The following CERS6 variants were observed in gnomAD, a reference collection of about 807,000 sequenced individuals.
The protein encoded by CERS6 is ceramide synthase 6.
A neutral mutation model predicts 56.8 loss-of-function variants in CERS6; 26 were observed. That is an observed-to-expected ratio of 0.46 (90% confidence interval 0.34 to 0.63). The LOEUF is 0.63. CERS6 is among the 30% of genes least tolerant of loss of function. The probability of loss-of-function intolerance (pLI) is 0.01; values close to 1 mark genes in which losing one functional copy is unlikely to be tolerated. For synonymous variants in CERS6, 164 were observed against 173.3 expected (o/e 0.95, Z 0.42); for missense variants, 415 against 467.5 (o/e 0.89, Z 1.04).
intron 3 of CERS6, among the ~76,000 whole-genome samples, chr2:168,574,083 A>G (rs966279586): frequency 7.9e-5 from 12 of 152,128 alleles, no homozygotes; most frequent in African/African-American, 2.7e-4. Context: ...ATTCATTGAG[A>G]TAGTATTGCT....
At chr2:168,690,203 G>A (rs1686464036) in intron 4 of CERS6, among the ~76,000 whole-genome samples, 1 of 152,142 alleles carries the variant, frequency 6.6e-6, no homozygotes, top group Non-Finnish European at 1.5e-5. Flanking sequence ...GAAACATATA[G>A]ATGTATATCA....
intron 4 of CERS6, among the ~76,000 whole-genome samples, chr2:168,678,889 T>G (rs1453960787): frequency 6.6e-6 from 1 of 152,218 alleles, no homozygotes; most frequent in Non-Finnish European, 1.5e-5. Flanking sequence ...ACTCCCATGT[T>G]TATTGCAGCA....
intron 3 of CERS6, among the ~76,000 whole-genome samples, chr2:168,582,514 G>C (rs1683441085): frequency 6.6e-6 from 1 of 152,040 alleles, no homozygotes. Context: ...CTAGCCTGCT[G>C]TGTCTGGGAA....
At chr2:168,477,405 G>T (rs1315915055) in intron 1 of CERS6, among the ~76,000 whole-genome samples, 1 of 152,076 alleles carries the variant, frequency 6.6e-6, no homozygotes, top group Non-Finnish European at 1.5e-5. Context: ...AAGCTCATTT[G>T]CACTTTGTTT....
At chr2:168,534,394 G>A (rs73020586) in intron 1 of CERS6, among the ~76,000 whole-genome samples, 1,643 of 140,224 alleles carry the variant, frequency 0.012, 31 homozygotes, top group African/African-American at 0.038. Context: ...CCTTGGATGC[G>A]GTTTTTGTGG....
In CERS6 at chr2:168,773,722, G is replaced by A. The variant is rs572123235; in HGVS notation, c.*4060G>A. On this transcript the variant is annotated 3_prime_UTR_variant, in exon 10 of 10. Transcript: ENST00000305747. ...ATTGCAGTCCCCAGAGCCAGTGAAG[G>A]TTTCTTTTGGTAAAATGAAATTGTG... 1.3e-5 allele frequency: 2 copies of A among 152,212 alleles called. No individual in the cohort carries two copies. Among genetic ancestry groups the A allele is most frequent in the Non-Finnish European group, 1.5e-5 (1 of 68,064 alleles). The allele number at this position is 152,212 out of a possible 1,614,324, so 9.4% of individuals were successfully genotyped here.
intron 8 of CERS6, among the ~76,000 whole-genome samples, chr2:168,746,820 T>TATATAA (rs1329677014): frequency 8.4e-4 from 67 of 80,004 alleles, no homozygotes; most frequent in African/African-American, 1.8e-3. Context: ...TATATATATA[T>TATATAA]AAAATCATCT....
intron 1 of CERS6, among the ~76,000 whole-genome samples, chr2:168,484,337 A>G (rs1435404793): frequency 1.3e-5 from 2 of 151,416 alleles, no homozygotes; most frequent in East Asian, 3.9e-4. Context: ...ATTCACCTCC[A>G]TGCCCGGCTA....
chr2:168,594,879 C>T (rs796697595), intron 3 of CERS6, among the ~76,000 whole-genome samples: 1 of 152,220 alleles, frequency 6.6e-6, no homozygotes, highest in African/African-American at 2.4e-5. Context: ...TTTGTTTTTC[C>T]CCCAGCTAGA....
At chr2:168,690,248 G>A (rs1686465017) in intron 4 of CERS6, among the ~76,000 whole-genome samples, 1 of 152,124 alleles carries the variant, frequency 6.6e-6, no homozygotes, top group Non-Finnish European at 1.5e-5. Flanking sequence ...AGTGCTGAGA[G>A]CTGTAGATAA....
chr2:168,659,513 TTAAC>T (rs1170230223), intron 4 of CERS6, among the ~76,000 whole-genome samples: 1 of 152,198 alleles, frequency 6.6e-6, no homozygotes. Flanking sequence ...AATTTCTACT[TTAAC>T]TAGGTAAATT....
Position 168,773,144 on chromosome 2 carries a change from A to G in CERS6, c.*3482A>G, listed in dbSNP as rs1002948981. On this transcript the variant is annotated 3_prime_UTR_variant, in exon 10 of 10. Transcript: ENST00000305747. ...AAAGAGAGCTTTATAGACACCCACAATTGTCCCCAATCTCTTCATGATGTT... is the reference window on the plus strand; with the variant it reads ...AAAGAGAGCTTTATAGACACCCACAGTTGTCCCCAATCTCTTCATGATGTT... 17 of 152,154 alleles carry G rather than the reference A, an allele frequency of 1.1e-4. No homozygotes were observed. Among genetic ancestry groups the G allele is most frequent in the African/African-American group, 3.9e-4 (16 of 41,432 alleles). 9.4% of individuals were successfully genotyped at this position (152,154 alleles called of 1,614,324 possible).
In CERS6 at chr2:168,600,406, C is replaced by G. The variant is rs558264515; in HGVS notation, c.408-30579C>G. On this transcript the variant is annotated intron_variant, in intron 3 of 9. Coordinates refer to ENST00000305747, the MANE Select transcript of CERS6 (RefSeq NM_203463.3). Reference sequence around the variant, plus strand: ...TTTTTAGTAGAGACGGGGTTTCACCCTGTTAGCCAGGATGGTCTCGATCTC... The same window carrying G: ...TTTTTAGTAGAGACGGGGTTTCACCGTGTTAGCCAGGATGGTCTCGATCTC... Among the ~76,000 whole-genome samples the G allele has an allele frequency of 1.2e-4, 19 of 152,044 alleles. No individual in the cohort carries two copies. In the South Asian group the frequency reaches 3.5e-3, roughly 28 times the overall value.
intron 6 of CERS6, among the ~76,000 whole-genome samples, chr2:168,708,987 G>A (rs1687025034): frequency 6.6e-6 from 1 of 152,048 alleles, no homozygotes; most frequent in Admixed American, 6.5e-5. Context: ...TGAATTTGTA[G>A]TGCCTCCTGA....
intron 9 of CERS6, chr2:168,766,330 G>A: frequency 6.3e-7 from 1 of 1,598,186 alleles, no homozygotes; most frequent in Non-Finnish European, 8.5e-7. Context: ...AGGCTGGGAA[G>A]TGGAACCCTT....
chr2:168,547,967 T>G (rs1316725942), intron 2 of CERS6, among the ~76,000 whole-genome samples: 1 of 152,196 alleles, frequency 6.6e-6, no homozygotes, highest in East Asian at 1.9e-4. Context: ...ATTCTGTGCC[T>G]CTTTTAATCA....
At chr2:168,670,980 CA>C (rs1320627540) in intron 4 of CERS6, among the ~76,000 whole-genome samples, 1 of 82,336 alleles carries the variant, frequency 1.2e-5, no homozygotes, top group African/African-American at 3.5e-5. Flanking sequence ...CCCCCCCCCC[CA>C]GACGGAAGCT....
intron 9 of CERS6, among the ~76,000 whole-genome samples, chr2:168,768,658 C>G (rs1452201808): frequency 6.6e-6 from 1 of 151,992 alleles, no homozygotes; most frequent in Non-Finnish European, 1.5e-5. Flanking sequence ...GTAATCCCAA[C>G]ACTTCGGGAG....
chr2:168,569,263 T>G (rs1282475772), intron 3 of CERS6, among the ~76,000 whole-genome samples: 1 of 152,182 alleles, frequency 6.6e-6, no homozygotes, highest in Admixed American at 6.5e-5. Context: ...CCTACCCTTA[T>G]GACCTAATTT....
Sources: gnomAD v4.1 joint callset for allele counts (sites outside exome capture counted in the v4.1 genomes callset) on GRCh38, gnomAD v4.1.1 for gene constraint, MANE v1.5 for transcripts, NCBI Gene and HGNC (gene_info 2026-07-23, HGNC 2026-07-21) for gene names.